FBLN5: variants seen among roughly 807,000 people sequenced by gnomAD.
FBLN5 encodes the protein fibulin-5.
FBLN5 carries 24 observed loss-of-function variants against 61.6 expected under a neutral mutation model. The ratio of observed to expected loss-of-function variants is 0.39; its 90% CI spans 0.28 to 0.55. FBLN5 has a LOEUF of 0.55. FBLN5 is among the 20% of genes least tolerant of loss of function. The pLI, the probability that FBLN5 is intolerant of heterozygous loss-of-function variation, is 0.65. For missense variants in FBLN5, 470 were observed against 594.1 expected (o/e 0.79, Z 2.17); for synonymous variants, 213 against 219.8 (o/e 0.97, Z 0.27).
At chr14:91,911,780 G>A (rs1335986479) in intron 4 of FBLN5, among the ~76,000 whole-genome samples, 1 of 147,602 alleles carries the variant, frequency 6.8e-6, no homozygotes, top group Non-Finnish European at 1.5e-5. Context: ...GAGGCCCTCT[G>A]GAGGATGCAA....
intron 5 of FBLN5, among the ~76,000 whole-genome samples, chr14:91,893,069 C>T (rs188270857): frequency 9.9e-5 from 15 of 152,190 alleles, no homozygotes; most frequent in African/African-American, 1.7e-4. Flanking sequence ...TGGTATAGCC[C>T]GGTCTCCCCC....
At chr14:91,941,872 C>T (rs1398753083) in intron 2 of FBLN5, among the ~76,000 whole-genome samples, 1 of 152,160 alleles carries the variant, frequency 6.6e-6, no homozygotes, top group East Asian at 1.9e-4. Flanking sequence ...CGACCCTGAA[C>T]CTCTGCCCTT....
intron 4 of FBLN5, among the ~76,000 whole-genome samples, chr14:91,902,477 G>C (rs1890501535): frequency 1.3e-5 from 2 of 152,104 alleles, no homozygotes; most frequent in Admixed American, 1.3e-4. Flanking sequence ...GACTAAATCA[G>C]AATTTCCAGG....
chr14:91,877,102 C>G (rs1889200428), intron 10 of FBLN5, among the ~76,000 whole-genome samples: 1 of 152,130 alleles, frequency 6.6e-6, no homozygotes, highest in Non-Finnish European at 1.5e-5. Context: ...CTTGGCCTCT[C>G]AAAGTGCTGG....
At chr14:91,919,221 C>T (rs1347631460) in intron 4 of FBLN5, among the ~76,000 whole-genome samples, 1 of 151,520 alleles carries the variant, frequency 6.6e-6, no homozygotes, top group Non-Finnish European at 1.5e-5. Context: ...ATCCCAGCTA[C>T]TTGGGTGGCT....
At chr14:91,870,890 A>G (rs1888892344) in intron 10 of FBLN5, among the ~76,000 whole-genome samples, 1 of 152,152 alleles carries the variant, frequency 6.6e-6, no homozygotes, top group Non-Finnish European at 1.5e-5. Context: ...AAACTTCTGC[A>G]TGGCTTAGGG....
chr14:91,911,803 GAAA>G (rs55665890), intron 4 of FBLN5, among the ~76,000 whole-genome samples: 1 of 141,126 alleles, frequency 7.1e-6, no homozygotes, highest in African/African-American at 2.7e-5. Flanking sequence ...GGAAAAGACG[GAAA>G]AAAAAAAAAA....
chr14:91,870,168 C>T lies in FBLN5; in HGVS notation c.*56G>A. The stretch of plus-strand genomic sequence containing the variant: ...TCTCATTCTCTCTGTTATTTCCTCT[C>T]TTCTCCTGTCCCTTGGTGCCAATGA... On this transcript the variant is annotated 3_prime_UTR_variant, in exon 11 of 11. Transcript: ENST00000342058. 3 of 1,545,104 alleles carry T rather than the reference C, an allele frequency of 1.9e-6. No homozygotes were observed. The highest frequency in any genetic ancestry group is 2.7e-6 in the Non-Finnish European group (3 of 1,117,188).
chr14:91,908,868 G>A (rs1890793506), intron 4 of FBLN5, among the ~76,000 whole-genome samples: 1 of 151,972 alleles, frequency 6.6e-6, no homozygotes, highest in African/African-American at 2.4e-5. Context: ...TAGAGCTCTT[G>A]ATTCAGGAGG....
chr14:91,893,894 G>T lies in FBLN5; in HGVS notation c.502+1056C>A, dbSNP rs539357652. Among the ~76,000 whole-genome samples, 38 of 152,328 alleles carry T rather than the reference G, an allele frequency of 2.5e-4. No homozygotes were observed. The South Asian group carries it at 7.0e-3, about 28-fold the overall frequency. On this transcript the variant is annotated intron_variant, in intron 5 of 10. Transcript: ENST00000342058. ...AGACAGGGTGTTGAAAGGAACTGAT[G>T]TAAGATCAGGATCTACTGATCCACA...
Position 91,877,082 on chromosome 14 carries a change from A to G in FBLN5, c.1185+405T>C, listed in dbSNP as rs186669329. ...GGTCTTGAGCTCCTGAGCTCAGACA[A>G]TCTGTCCACCTTGGCCTCTCAAAGT... On this transcript the variant is annotated intron_variant, in intron 10 of 10. Coordinates refer to ENST00000342058, the MANE Select transcript of FBLN5 (RefSeq NM_006329.4). Among the ~76,000 whole-genome samples the G allele has an allele frequency of 6.6e-3, 1,005 of 152,246 alleles. 4 individuals are homozygous for G. The highest frequency in any genetic ancestry group is 9.5e-3 in the Non-Finnish European group (649 of 68,014).
chr14:91,941,780 T>TTG (rs2056108643), intron 2 of FBLN5, among the ~76,000 whole-genome samples: 2 of 151,706 alleles, frequency 1.3e-5, no homozygotes, highest in South Asian at 4.2e-4. Context: ...ATCTGTAAAA[T>TTG]GGGGGGGTAT....
At chr14:91,942,513 T>C (rs1002345071) in intron 2 of FBLN5, among the ~76,000 whole-genome samples, 1 of 152,256 alleles carries the variant, frequency 6.6e-6, no homozygotes, top group Non-Finnish European at 1.5e-5. Context: ...AATGAGGCCA[T>C]GTGATCTGAT....
Position 91,928,315 on chromosome 14 carries a change from C to G in FBLN5, c.379+8632G>C, listed in dbSNP as rs573974565. Among the ~76,000 whole-genome samples the G allele has an allele frequency of 1.2e-4, 18 of 152,290 alleles. 1 individual carries two copies. Among genetic ancestry groups the G allele is most frequent in the Non-Finnish European group, 1.8e-4 (12 of 68,032 alleles). On this transcript the variant is annotated intron_variant, in intron 4 of 10. Coordinates refer to ENST00000342058, the MANE Select transcript of FBLN5 (RefSeq NM_006329.4). Reference sequence around the variant, plus strand: ...AGGAAACCTGAGAAATCATCAGAACCAGGGAATTTAAACTTTTCTGTGTGT... The same window carrying G: ...AGGAAACCTGAGAAATCATCAGAACGAGGGAATTTAAACTTTTCTGTGTGT...
chr14:91,941,912 T>C (rs1333118142), intron 2 of FBLN5: 1 of 345,504 alleles, frequency 2.9e-6, no homozygotes, highest in Non-Finnish European at 5.7e-6. Flanking sequence ...GTGTACACCA[T>C]GAGGCTGCCT....
rs373689829 is a variant in FBLN5 at position 91,906,713 on chromosome 14, G to C, written c.380-11641C>G. 1.0e-3 allele frequency among the ~76,000 whole-genome samples: 152 copies of C among 152,366 alleles called. 3 individuals are homozygous for C. In the South Asian group the frequency reaches 0.031, roughly 31 times the overall value. On this transcript the variant is annotated intron_variant, in intron 4 of 10. Coordinates refer to ENST00000342058, the MANE Select transcript of FBLN5 (RefSeq NM_006329.4). The stretch of plus-strand genomic sequence containing the variant: ...ATGTCTCCAGTGAGGAAGGCAGGGA[G>C]GCGAGGGAGCTACATGTGGGGCCAA...
rs1174473596 is a variant in FBLN5, at chr14:91,869,982, C to T, written c.*242G>A. 1.9e-6 allele frequency: 1 copy of T among 533,792 alleles called. No homozygotes were observed. Among genetic ancestry groups the T allele is most frequent in the Non-Finnish European group, 3.4e-6 (1 of 294,078 alleles). 33.1% of individuals were successfully genotyped at this position (533,792 alleles called of 1,614,324 possible). A position where few individuals can be genotyped will look rare whatever the true frequency, so the allele number is the denominator to read the frequency against. On this transcript the variant is annotated 3_prime_UTR_variant, in exon 11 of 11. Coordinates refer to ENST00000342058, the MANE Select transcript of FBLN5 (RefSeq NM_006329.4). ...TGAAAATTCACCAACAATCTTCTAT[C>T]AGGGGAGCAATGATAATACTTTTTG...
At chr14:91,932,245 A>G (rs2055936847) in intron 4 of FBLN5, among the ~76,000 whole-genome samples, 1 of 152,226 alleles carries the variant, frequency 6.6e-6, no homozygotes, top group Non-Finnish European at 1.5e-5. Flanking sequence ...CTCGTGGACT[A>G]TAATTCCTAG....
chr14:91,908,249 T>C (rs967882925), intron 4 of FBLN5, among the ~76,000 whole-genome samples: 1 of 152,218 alleles, frequency 6.6e-6, no homozygotes, highest in Non-Finnish European at 1.5e-5. Flanking sequence ...CAATCAGGCT[T>C]CCTTCTCTTT....
Sources: gnomAD v4.1 joint callset for allele counts (sites outside exome capture counted in the v4.1 genomes callset) on GRCh38, gnomAD v4.1.1 for gene constraint, MANE v1.5 for transcripts, NCBI Gene and HGNC (gene_info 2026-07-23, HGNC 2026-07-21) for gene names.